TMEM100: variants seen among roughly 807,000 people sequenced by gnomAD.
TMEM100 encodes the protein transmembrane protein 100.
For synonymous variants in TMEM100, 61 were observed against 67.1 expected, an observed-to-expected ratio of 0.91 and a Z score of 0.44; for missense variants, 137 against 168.2, an observed-to-expected ratio of 0.81 and a Z score of 1.02.
chr17:55,727,968 C>T (rs1212737952), exon 2 of TMEM100: 1 of 152,100 alleles, frequency 6.6e-6, no homozygotes. Flanking sequence ...TTTCACAAGT[C>T]ACTTTTTAAT....
chr17:55,726,129 A>G (rs1909065566), upstream of TMEM100, among the ~76,000 whole-genome samples: 1 of 152,158 alleles, frequency 6.6e-6, no homozygotes, highest in South Asian at 2.1e-4. Context: ...TCTTCATTGG[A>G]GGATGTCAAG....
At chr17:55,722,213 C>T (rs922714179) in intron 1 of TMEM100, among the ~76,000 whole-genome samples, 1 of 152,194 alleles carries the variant, frequency 6.6e-6, no homozygotes, top group Non-Finnish European at 1.5e-5. Context: ...TCACTGTCTT[C>T]CATTCTCAAA....
At chr17:55,724,166 TG>T (rs1909000595), upstream of TMEM100, among the ~76,000 whole-genome samples, 1 of 152,214 alleles carries the variant, frequency 6.6e-6, no homozygotes, top group Non-Finnish European at 1.5e-5. Context: ...CTCTAATAGC[TG>T]GCAAAGGGCT....
intron 1 of TMEM100, among the ~76,000 whole-genome samples, chr17:55,730,984 C>T (rs1285236252): frequency 6.6e-6 from 1 of 152,154 alleles, no homozygotes; most frequent in African/African-American, 2.4e-5. Context: ...CAATGATCCC[C>T]AGAGAGTACA....
upstream of TMEM100, among the ~76,000 whole-genome samples, chr17:55,727,362 G>T (rs1909098348): frequency 6.6e-6 from 1 of 152,206 alleles, no homozygotes. Flanking sequence ...TAAGACAAAT[G>T]CACACTCCTA....
rs1014096532 is a variant in TMEM100, at chr17:55,722,622, G to A, written c.-69C>T. ...TCCCCAAATTACTTACACTCACCTC[G>A]GAGAGAGGCAATCCATTACCAGAGT... is the stretch of plus-strand genomic sequence containing the variant. On this transcript the variant is annotated 5_prime_UTR_variant, in exon 1 of 2. Transcript: ENST00000424486. 4 of 152,184 alleles carry A rather than the reference G, an allele frequency of 2.6e-5. No homozygotes were observed. The highest frequency in any genetic ancestry group is 1.9e-4 in the East Asian group (1 of 5,202). 9.4% of individuals were successfully genotyped at this position (152,184 alleles called of 1,614,324 possible). A position where few individuals can be genotyped will look rare whatever the true frequency, so the allele number is the denominator to read the frequency against.
At chr17:55,728,376 C>T (rs986741165) in intron 1 of TMEM100, among the ~76,000 whole-genome samples, 4 of 152,116 alleles carry the variant, frequency 2.6e-5, no homozygotes, top group Non-Finnish European at 4.4e-5. Flanking sequence ...AAAGGGGTGC[C>T]TACTGCTTCT....
intron 1 of TMEM100, among the ~76,000 whole-genome samples, chr17:55,728,182 T>G (rs1014493028): frequency 2.0e-5 from 3 of 152,238 alleles, no homozygotes; most frequent in African/African-American, 7.2e-5. Context: ...GTATTTGTAT[T>G]TTATTTAAAG....
intron 1 of TMEM100, 141 bp from the exon 2 acceptor site, chr17:55,721,276 T>G (rs1184142381): frequency 3.5e-6 from 2 of 575,242 alleles, no homozygotes; most frequent in Non-Finnish European, 5.8e-6. Context: ...TTGAATTGGT[T>G]GCATTCTCTT....
chr17:55,727,096 A>C (rs1909091814), upstream of TMEM100, among the ~76,000 whole-genome samples: 1 of 152,196 alleles, frequency 6.6e-6, no homozygotes, highest in African/African-American at 2.4e-5. Context: ...ATGAAAGGTC[A>C]CATAAACATA....
At chr17:55,728,329 T>C (rs561786077) in intron 1 of TMEM100, among the ~76,000 whole-genome samples, 135 of 152,336 alleles carry the variant, frequency 8.9e-4, no homozygotes, top group African/African-American at 2.8e-3. Flanking sequence ...CAGGGTGATA[T>C]CCTCTAACTA....
Position 55,720,527 on chromosome 17 carries a change from C to A in TMEM100, c.*139G>T, listed in dbSNP as rs1908832820. 4.1e-6 allele frequency: 4 copies of A among 967,356 alleles called. No homozygotes were observed. The highest frequency in any genetic ancestry group is 6.1e-6 in the Non-Finnish European group (4 of 656,238). 59.9% of individuals were successfully genotyped at this position (967,356 alleles called of 1,614,324 possible). ...GAGTCATTCCTCACAAAGGAGAAGCCCCTCCACCCTCCCACCCCCATTCTT... is the reference window on the plus strand; with the variant it reads ...GAGTCATTCCTCACAAAGGAGAAGCACCTCCACCCTCCCACCCCCATTCTT... On this transcript the variant is annotated 3_prime_UTR_variant, in exon 2 of 2. Coordinates refer to ENST00000424486, the MANE Select transcript of TMEM100 (RefSeq NM_018286.3).
At chr17:55,729,046 G>T (rs1436244691) in intron 1 of TMEM100, among the ~76,000 whole-genome samples, 1 of 152,346 alleles carries the variant, frequency 6.6e-6, no homozygotes, top group South Asian at 2.1e-4. Context: ...TCGGATTATC[G>T]CCTCGATGGC....
At chr17:55,731,667 T>C (rs540919870) in intron 1 of TMEM100, 4 of 152,370 alleles carry the variant, frequency 2.6e-5, no homozygotes, top group Admixed American at 2.6e-4. Flanking sequence ...GCAAAGCCAC[T>C]GACCTTTTAC....
intron 1 of TMEM100, 128 bp from the exon 2 acceptor site, chr17:55,721,263 T>G: frequency 1.7e-6 from 1 of 602,464 alleles, no homozygotes; most frequent in East Asian, 3.0e-5. Flanking sequence ...CTTTACTCTT[T>G]TTTTGAATTG....
intron 1 of TMEM100, chr17:55,721,886 T>C (rs896987833): frequency 1.3e-5 from 2 of 152,242 alleles, no homozygotes; most frequent in Non-Finnish European, 2.9e-5. Flanking sequence ...GTGCTTTCTC[T>C]TGGCAAAATA....
chr17:55,730,204 A>G (rs1312110075), intron 1 of TMEM100, among the ~76,000 whole-genome samples: 1 of 152,232 alleles, frequency 6.6e-6, no homozygotes, highest in East Asian at 1.9e-4. Flanking sequence ...ACAATTTTGC[A>G]TGCTTAGAAA....
rs1908805326 is a variant in TMEM100, at chr17:55,719,901, AC to A, written c.*764del. On this transcript the variant is annotated 3_prime_UTR_variant, in exon 2 of 2. Coordinates refer to ENST00000424486, the MANE Select transcript of TMEM100 (RefSeq NM_018286.3). Reference sequence around the variant, plus strand: ...AATAGAAATAACTATAGCAGAAACAACCATTTAAGAAGTTTTAGCAGCAATA... The same window carrying A: ...AATAGAAATAACTATAGCAGAAACAACATTTAAGAAGTTTTAGCAGCAATA... 6.6e-6 allele frequency: 1 copy of A among 152,652 alleles called. No homozygotes were observed. The highest frequency in any genetic ancestry group is 1.5e-5 in the Non-Finnish European group (1 of 68,038). 9.5% of individuals were successfully genotyped at this position (152,652 alleles called of 1,614,324 possible).
At chr17:55,726,798 G>C (rs1909086522), upstream of TMEM100, among the ~76,000 whole-genome samples, 1 of 152,120 alleles carries the variant, frequency 6.6e-6, no homozygotes, top group Non-Finnish European at 1.5e-5. Context: ...AGTGATCTGT[G>C]CTTCTGTGTT....
Sources: allele counts gnomAD v4.1 joint callset (sites outside exome capture counted in the v4.1 genomes callset), GRCh38; gene constraint gnomAD v4.1.1; transcripts MANE v1.5; gene names NCBI Gene and HGNC (gene_info 2026-07-23, HGNC 2026-07-21).